Variants in ATOH8 observed in about 807,000 individuals in gnomAD.
ATOH8 encodes transcription factor ATOH8.
Under a neutral mutation model 21.2 loss-of-function variants are expected in ATOH8, and 9 were observed. The ratio of observed to expected loss-of-function variants is 0.42; its 90% CI spans 0.26 to 0.74. ATOH8 has a LOEUF of 0.74. Among genes scored for constraint, ATOH8 ranks in the 30% least tolerant of loss-of-function variants. The pLI is 0.24. For synonymous variants in ATOH8, 253 were observed against 224.0 expected, an observed-to-expected ratio of 1.13 and a Z score of -1.16; for missense variants, 524 against 470.9, an observed-to-expected ratio of 1.11 and a Z score of -1.04.
rs541366537 is a variant in ATOH8 at position 85,770,377 on chromosome 2, G to A, written c.960+6195G>A. Among the ~76,000 whole-genome samples, 145 of 152,192 alleles carry A rather than the reference G, an allele frequency of 9.5e-4. 1 individual carries two copies. The highest frequency in any genetic ancestry group is 7.7e-4 in the East Asian group (4 of 5,164). On this transcript the variant is annotated intron_variant, in intron 2 of 2. Transcript: ENST00000306279. ...TGGCTCACATATCCAACCCCCTCCC[G>A]GCCCAGTTATTAAGTTAAATACCAT...
chr2:85,755,019 G>T (rs1679643772), intron 1 of ATOH8, 62 bp downstream of exon 1: 3 of 1,499,440 alleles, frequency 2.0e-6, no homozygotes, highest in Non-Finnish European at 2.6e-6. Flanking sequence ...ATGGGTGGGC[G>T]AGTGGCCGGG....
chr2:85,767,482 C>A (rs1174769297), intron 2 of ATOH8, among the ~76,000 whole-genome samples: 2 of 151,424 alleles, frequency 1.3e-5, no homozygotes, highest in Non-Finnish European at 2.9e-5. Flanking sequence ...TTGTCTACCC[C>A]CGCTCAACAG....
rs911215126 is a variant in ATOH8, at chr2:85,790,753, G to A, written c.*3863G>A. 5.9e-5 allele frequency among the ~76,000 whole-genome samples: 9 copies of A among 152,186 alleles called. No individual in the cohort carries two copies. The highest frequency in any genetic ancestry group is 4.1e-4 in the South Asian group (2 of 4,834). On this transcript the variant is annotated 3_prime_UTR_variant, in exon 3 of 3. Coordinates refer to ENST00000306279, the MANE Select transcript of ATOH8 (RefSeq NM_032827.7). ...GCTCCTCTGTGCTCAAGAGCTTGCC[G>A]GTGAGCCTGGACGGAGGCATAGGTG...
intron 1 of ATOH8, among the ~76,000 whole-genome samples, chr2:85,758,561 T>C (rs944170360): frequency 6.6e-5 from 10 of 152,240 alleles, no homozygotes; most frequent in Non-Finnish European, 5.9e-5. Context: ...CCTGGAGCCA[T>C]CTACCCTCAG....
rs1014410650 is a variant in ATOH8, at chr2:85,790,731, C to T, written c.*3841C>T. Among the ~76,000 whole-genome samples the T allele has an allele frequency of 2.0e-5, 3 of 152,218 alleles. No homozygotes were observed. The highest frequency in any genetic ancestry group is 4.8e-5 in the African/African-American group (2 of 41,444). ...TGTTGGGAGCTGCAGGTACAGAGCT[C>T]CTCTGTGCTCAAGAGCTTGCCGGTG... is the stretch of plus-strand genomic sequence containing the variant. On this transcript the variant is annotated 3_prime_UTR_variant, in exon 3 of 3. Transcript: ENST00000306279.
chr2:85,756,691 G>A (rs969854677), intron 1 of ATOH8, among the ~76,000 whole-genome samples: 1 of 152,140 alleles, frequency 6.6e-6, no homozygotes, highest in Non-Finnish European at 1.5e-5. Context: ...TCATTTTATA[G>A]TATGGAACAC....
chr2:85,777,383 C>G (rs1033155204), intron 2 of ATOH8, among the ~76,000 whole-genome samples: 1 of 152,140 alleles, frequency 6.6e-6, no homozygotes, highest in Non-Finnish European at 1.5e-5. Context: ...AGAGATAGCA[C>G]CCAGAATCAG....
chr2:85,783,204 T>A (rs778049435), intron 2 of ATOH8, among the ~76,000 whole-genome samples: 3 of 152,244 alleles, frequency 2.0e-5, no homozygotes, highest in Non-Finnish European at 4.4e-5. Context: ...TCAGAGCAGC[T>A]GAGAGGGACC....
intron 2 of ATOH8, among the ~76,000 whole-genome samples, chr2:85,784,932 G>A (rs572570235): frequency 6.6e-6 from 1 of 152,242 alleles, no homozygotes; most frequent in Non-Finnish European, 1.5e-5. Context: ...TTCTTGGACC[G>A]AGGTGGTGGT....
chr2:85,763,914 A>G lies in ATOH8; in HGVS notation c.769-77A>G, dbSNP rs769627874. ...TTAGGGTGGAGGGCTCAGATATACC[A>G]TAGACAGGCCGTCTCCCATGCCTGC... On this transcript the variant is annotated intron_variant, in intron 1 of 2. Transcript: ENST00000306279. 1,255 of 1,429,958 alleles carry G rather than the reference A, an allele frequency of 8.8e-4. 1 individual carries two copies. The highest frequency in any genetic ancestry group is 1.1e-3 in the Non-Finnish European group (1,157 of 1,044,294). The allele number at this position is 1,429,958 out of a possible 1,614,324, so 88.6% of individuals were successfully genotyped here.
chr2:85,763,820 A>ATG (rs1679929734), intron 1 of ATOH8, among the ~76,000 whole-genome samples, 171 bp from the exon 2 acceptor site: 1 of 61,476 alleles, frequency 1.6e-5, no homozygotes, highest in Non-Finnish European at 4.3e-5. Flanking sequence ...AGATGAGCTG[A>ATG]CGTGTGTGTG....
rs1357710491 is a variant in ATOH8, at chr2:85,754,874, C to A, written c.685C>A (p.Gln229Lys). The A allele has an allele frequency of 1.2e-6, 2 of 1,611,970 alleles. No homozygotes were observed. Residue 229 changes from glutamine to lysine, a missense_variant, in exon 1 of 3, where the codon CAG becomes AAG. Coordinates refer to ENST00000306279, the MANE Select transcript of ATOH8 (RefSeq NM_032827.7). ...CTCCTCCGAGATCAAAGCCCTGCAGCAGACCCGGAGGCTCCTGGCGAACGC... is the reference window on the plus strand; with the variant it reads ...CTCCTCCGAGATCAAAGCCCTGCAGAAGACCCGGAGGCTCCTGGCGAACGC... ...AASSEIKALQ[Q>K]TRRLLANARE...
At position 85,789,266 on chromosome 2, in the gene ATOH8, G is replaced by C. The variant is rs1425630848; in HGVS notation, c.*2376G>C. On this transcript the variant is annotated 3_prime_UTR_variant, in exon 3 of 3. Transcript: ENST00000306279. ...CATTCTGAAGCATCATTGATGACCA[G>C]CTGCCTGTCAGACACTAAGATAGGC... 1.3e-5 allele frequency among the ~76,000 whole-genome samples: 2 copies of C among 152,150 alleles called. No homozygotes were observed. The highest frequency in any genetic ancestry group is 4.8e-5 in the African/African-American group (2 of 41,414).
At position 85,790,500 on chromosome 2, in the gene ATOH8, G is replaced by C. The variant is rs1260581687; in HGVS notation, c.*3610G>C. Among the ~76,000 whole-genome samples, 2 of 152,206 alleles carry C rather than the reference G, an allele frequency of 1.3e-5. No homozygotes were observed. Among genetic ancestry groups the C allele is most frequent in the Non-Finnish European group, 2.9e-5 (2 of 68,034 alleles). On this transcript the variant is annotated 3_prime_UTR_variant, in exon 3 of 3. Coordinates refer to ENST00000306279, the MANE Select transcript of ATOH8 (RefSeq NM_032827.7). The stretch of plus-strand genomic sequence containing the variant: ...TCCCAGAAGAGAGGGTTAAATTCTG[G>C]AGGTGAGGTTTTGAGCAAGTGTTCA...
chr2:85,754,986 T>C (rs772173128), intron 1 of ATOH8, 29 bp downstream of exon 1: 2 of 1,561,046 alleles, frequency 1.3e-6, no homozygotes, highest in South Asian at 2.3e-5. Flanking sequence ...ACGCCCTCAC[T>C]GCGCCGGGGG....
At chr2:85,768,727 A>G (rs1285903271) in intron 2 of ATOH8, among the ~76,000 whole-genome samples, 2 of 152,164 alleles carry the variant, frequency 1.3e-5, no homozygotes, top group Non-Finnish European at 2.9e-5. Flanking sequence ...TCCCCCTCCA[A>G]GCCCAGGTGC....
rs551548775 is a variant in ATOH8 at position 85,776,641 on chromosome 2, T to G, written c.961-10244T>G. ...GGGCCTCCTGCATGGTGGGCCGATT[T>G]CCCATGCACATGGGAAGGAGGTACT... On this transcript the variant is annotated intron_variant, in intron 2 of 2. Coordinates refer to ENST00000306279, the MANE Select transcript of ATOH8 (RefSeq NM_032827.7). Among the ~76,000 whole-genome samples the G allele has an allele frequency of 5.9e-5, 9 of 152,312 alleles. No homozygotes were observed. The South Asian group carries it at 1.9e-3, about 32-fold the overall frequency.
At chr2:85,761,768 C>T (rs1679877342) in intron 1 of ATOH8, among the ~76,000 whole-genome samples, 1 of 152,188 alleles carries the variant, frequency 6.6e-6, no homozygotes, top group Non-Finnish European at 1.5e-5. Flanking sequence ...CCCTGAGACC[C>T]CCTTCCCTGC....
chr2:85,776,872 T>C (rs967553066), intron 2 of ATOH8, among the ~76,000 whole-genome samples: 33 of 152,024 alleles, frequency 2.2e-4, no homozygotes, highest in Admixed American at 2.0e-3. Flanking sequence ...CTGAGAGCTG[T>C]CCATCCCCCT....
Sources: allele counts gnomAD v4.1 joint callset (sites outside exome capture counted in the v4.1 genomes callset), GRCh38; gene constraint gnomAD v4.1.1; transcripts MANE v1.5; gene names NCBI Gene and HGNC (gene_info 2026-07-23, HGNC 2026-07-21).